HPSE2: variants seen among roughly 807,000 people sequenced by gnomAD.
The protein encoded by HPSE2 is heparanase 2 (inactive), also known as inactive heparanase-2.
In HPSE2, 38 loss-of-function variants were observed where a neutral mutation model predicts 60.5. The observed-to-expected ratio is 0.63, with a 90% CI of 0.48 to 0.82. The LOEUF is 0.82. Among genes scored for constraint, HPSE2 ranks in the 40% least tolerant of loss-of-function variants. The pLI is 0.00. For synonymous variants in HPSE2, 295 were observed against 293.2 expected (o/e 1.01, Z -0.06); for missense variants, 713 against 740.4 (o/e 0.96, Z 0.43).
intron 3 of HPSE2, among the ~76,000 whole-genome samples, chr10:99,029,259 A>G (rs1303750670): frequency 2.0e-5 from 3 of 152,240 alleles, no homozygotes; most frequent in Non-Finnish European, 4.4e-5. Flanking sequence ...ACCAGAAGAT[A>G]TAAGGAGCTC....
chr10:98,502,355 T>C (rs538467955), intron 9 of HPSE2, among the ~76,000 whole-genome samples: 2 of 152,262 alleles, frequency 1.3e-5, no homozygotes, highest in Admixed American at 6.5e-5. Context: ...AATAGGCATA[T>C]AGACCAATGG....
chr10:99,206,322 T>C (rs1848743756), intron 2 of HPSE2, among the ~76,000 whole-genome samples: 1 of 152,162 alleles, frequency 6.6e-6, no homozygotes, highest in Non-Finnish European at 1.5e-5. Context: ...ATGCATATGC[T>C]GGGCACAGTG....
At chr10:99,086,376 G>C (rs1843320045) in intron 3 of HPSE2, among the ~76,000 whole-genome samples, 1 of 110,180 alleles carries the variant, frequency 9.1e-6, no homozygotes, top group South Asian at 3.0e-4. Context: ...TTTTTGAGAC[G>C]GAGTCTCGCT....
At chr10:98,714,111 T>C (rs991921004) in intron 5 of HPSE2, among the ~76,000 whole-genome samples, 18 of 151,986 alleles carry the variant, frequency 1.2e-4, no homozygotes, top group African/African-American at 4.1e-4. Context: ...ATTGATTCTC[T>C]ATATCAATAA....
chr10:99,174,023 T>G (rs542462174), intron 2 of HPSE2, among the ~76,000 whole-genome samples: 1 of 151,586 alleles, frequency 6.6e-6, no homozygotes, highest in Admixed American at 6.6e-5. Flanking sequence ...CATCCCTTAG[T>G]GATAAGGAGC....
chr10:98,483,392 C>T (rs564523749), intron 10 of HPSE2, among the ~76,000 whole-genome samples: 1 of 152,232 alleles, frequency 6.6e-6, no homozygotes, highest in East Asian at 1.9e-4. Flanking sequence ...TAACTAATCC[C>T]CTATGTTTGC....
chr10:98,696,534 A>G (rs1948222892), intron 5 of HPSE2, among the ~76,000 whole-genome samples: 1 of 152,160 alleles, frequency 6.6e-6, no homozygotes, highest in Non-Finnish European at 1.5e-5. Context: ...TGCTTTTTCC[A>G]TGGAACTGTG....
At position 98,717,969 on chromosome 10, in the gene HPSE2, T is replaced by A. The variant is rs546162497; in HGVS notation, c.956+3688A>T. Among the ~76,000 whole-genome samples the A allele has an allele frequency of 2.0e-4, 31 of 152,194 alleles. No individual in the cohort carries two copies. In the South Asian group the frequency reaches 6.4e-3, roughly 32 times the overall value. On this transcript the variant is annotated intron_variant, in intron 5 of 11. Transcript: ENST00000370552. Reference sequence around the variant, plus strand: ...TGGATATATAATTTTTTTAGATAAATCTCCTTTTGACTAGGATTTCTATTT... The same window carrying A: ...TGGATATATAATTTTTTTAGATAAAACTCCTTTTGACTAGGATTTCTATTT...
intron 3 of HPSE2, among the ~76,000 whole-genome samples, chr10:98,978,214 C>T (rs2135289629): frequency 6.6e-6 from 1 of 151,950 alleles, no homozygotes; most frequent in Admixed American, 6.6e-5. Context: ...AAACATGTAC[C>T]TTTGAGTGGG....
At chr10:99,066,413 T>C (rs912006665) in intron 3 of HPSE2, among the ~76,000 whole-genome samples, 1 of 151,578 alleles carries the variant, frequency 6.6e-6, no homozygotes, top group Non-Finnish European at 1.5e-5. Flanking sequence ...GGAAAAAAAA[T>C]AAAGATTAGA....
intron 5 of HPSE2, among the ~76,000 whole-genome samples, chr10:98,710,862 A>G (rs1254666266): frequency 6.6e-6 from 1 of 152,124 alleles, no homozygotes; most frequent in African/African-American, 2.4e-5. Context: ...CATTTATCTC[A>G]CAATTGGCCT....
intron 7 of HPSE2, among the ~76,000 whole-genome samples, chr10:98,632,161 A>C (rs375491762): frequency 1.1e-4 from 17 of 152,340 alleles, no homozygotes; most frequent in African/African-American, 4.1e-4. Context: ...TTTACTACTT[A>C]AAAAGCTCTG....
chr10:98,840,178 G>A (rs909013062), intron 3 of HPSE2, among the ~76,000 whole-genome samples: 1 of 152,052 alleles, frequency 6.6e-6, no homozygotes, highest in African/African-American at 2.4e-5. Context: ...ATCAGTATGG[G>A]GCAGAAAATT....
chr10:98,521,395 A>C (rs935375760), intron 9 of HPSE2, among the ~76,000 whole-genome samples: 5 of 152,234 alleles, frequency 3.3e-5, no homozygotes, highest in African/African-American at 1.2e-4. Flanking sequence ...GCTCATCATC[A>C]CTGATCACCA....
intron 3 of HPSE2, among the ~76,000 whole-genome samples, chr10:98,976,590 T>C (rs1956090535): frequency 6.6e-6 from 1 of 152,170 alleles, no homozygotes; most frequent in Non-Finnish European, 1.5e-5. Context: ...ACTCTAACGA[T>C]ACAATTCTTA....
chr10:98,516,376 T>A (rs2133759729), intron 9 of HPSE2, among the ~76,000 whole-genome samples: 1 of 152,366 alleles, frequency 6.6e-6, no homozygotes, highest in South Asian at 2.1e-4. Flanking sequence ...AATGAATGAA[T>A]GTACTAAAAT....
intron 5 of HPSE2, among the ~76,000 whole-genome samples, chr10:98,711,978 T>C (rs1427066550): frequency 1.3e-5 from 2 of 152,064 alleles, no homozygotes; most frequent in Non-Finnish European, 2.9e-5. Flanking sequence ...AGGAGGACCA[T>C]GGACTATACT....
intron 2 of HPSE2, among the ~76,000 whole-genome samples, chr10:99,206,315 C>T (rs917055801): frequency 5.3e-5 from 8 of 152,102 alleles, no homozygotes; most frequent in African/African-American, 1.7e-4. Flanking sequence ...TAAAGTTATG[C>T]ATATGCTGGG....
intron 3 of HPSE2, among the ~76,000 whole-genome samples, chr10:99,030,785 G>T (rs1327331137): frequency 1.3e-5 from 2 of 152,164 alleles, no homozygotes; most frequent in Non-Finnish European, 2.9e-5. Context: ...TATATACAAT[G>T]GAGTACCATT....
Sources: allele counts gnomAD v4.1 joint callset (sites outside exome capture counted in the v4.1 genomes callset), GRCh38; gene constraint gnomAD v4.1.1; transcripts MANE v1.5; gene names NCBI Gene and HGNC (gene_info 2026-07-23, HGNC 2026-07-21).